The following PM20D2 variants were observed in gnomAD, a reference collection of about 807,000 sequenced individuals.
PM20D2 encodes xaa-Arg dipeptidase.
A neutral mutation model predicts 42.9 loss-of-function variants in PM20D2; 33 were observed. That is an observed-to-expected ratio of 0.77 (90% confidence interval 0.58 to 1.03). The LOEUF (loss-of-function observed/expected upper bound fraction) is 1.03, where lower values mean the gene tolerates loss of function less well. PM20D2 is among the 50% of genes least tolerant of loss of function. The pLI is 0.00. For missense variants in PM20D2, 548 were observed against 557.0 expected, an observed-to-expected ratio of 0.98 and a Z score of 0.16; for synonymous variants, 250 against 228.2, an observed-to-expected ratio of 1.10 and a Z score of -0.86.
chr6:89,138,876 T>C, the PM20D2 span, among the ~76,000 whole-genome samples: 6 of 152,078 alleles, frequency 3.9e-5, no homozygotes, highest in East Asian at 9.6e-4. Flanking sequence ...GAAAAATAAA[T>C]AAATAAATAA....
At chr6:89,161,236 A>C (rs1193473167) in intron 5 of PM20D2, among the ~76,000 whole-genome samples, 2 of 152,212 alleles carry the variant, frequency 1.3e-5, no homozygotes, top group Non-Finnish European at 2.9e-5. Flanking sequence ...AGAAGATACC[A>C]GGCTGGCAAC....
Position 89,161,777 on chromosome 6 carries a change from T to C in PM20D2, c.1049-6T>C. Reference sequence around the variant, plus strand: ...ATAGACTTTTCTTAACTTTGTGTGTTCCAAGGATCTACGGATTTTGGAAAT... The same window carrying C: ...ATAGACTTTTCTTAACTTTGTGTGTCCCAAGGATCTACGGATTTTGGAAAT... On this transcript the variant is annotated splice_region_variant and splice_polypyrimidine_tract_variant and intron_variant, in intron 5 of 6. Coordinates refer to ENST00000275072, the MANE Select transcript of PM20D2 (RefSeq NM_001010853.3). 1 of 1,590,542 alleles carries C rather than the reference T, an allele frequency of 6.3e-7. No individual in the cohort carries two copies. The highest frequency in any genetic ancestry group is 8.6e-7 in the Non-Finnish European group (1 of 1,158,472).
intron 5 of PM20D2, among the ~76,000 whole-genome samples, chr6:89,159,347 G>A (rs1771157704): frequency 6.6e-6 from 1 of 152,130 alleles, no homozygotes; most frequent in Admixed American, 6.5e-5. Context: ...GGAAGCCAAG[G>A]GAGAAGAAAA....
intron 1 of PM20D2, among the ~76,000 whole-genome samples, chr6:89,147,979 CTTTTTTTT>C (rs397888770): frequency 1.1e-5 from 1 of 95,176 alleles, no homozygotes; most frequent in Non-Finnish European, 2.0e-5. Flanking sequence ...AATGTACACT[CTTTTTTTT>C]TTTTTTTTTT....
At position 89,153,678 on chromosome 6, in the gene PM20D2, A is replaced by G. The variant is rs571458940; in HGVS notation, c.757+493A>G. On this transcript the variant is annotated intron_variant, in intron 3 of 6. Transcript: ENST00000275072. Reference sequence around the variant, plus strand: ...AGTGGTGCAATCTCGGCTCACTGCAACTTCTGCTTCCTGGGTTCAAGTGAT... The same window carrying G: ...AGTGGTGCAATCTCGGCTCACTGCAGCTTCTGCTTCCTGGGTTCAAGTGAT... Among the ~76,000 whole-genome samples, 220 of 152,250 alleles carry G rather than the reference A, an allele frequency of 1.4e-3. 1 individual carries two copies. The highest frequency in any genetic ancestry group is 5.1e-3 in the African/African-American group (213 of 41,544).
At chr6:89,099,472 A>G in the PM20D2 span, among the ~76,000 whole-genome samples, 315 of 145,226 alleles carry the variant, frequency 2.2e-3, 4 homozygotes, top group African/African-American at 7.2e-3. Flanking sequence ...ATGTGTGTGT[A>G]TATATATATG....
the PM20D2 span, among the ~76,000 whole-genome samples, chr6:89,101,732 C>A: frequency 6.6e-6 from 1 of 151,936 alleles, no homozygotes; most frequent in Non-Finnish European, 1.5e-5. Flanking sequence ...ATCTGAAAAC[C>A]TTGCCAGAGA....
chr6:89,149,146 C>T, intron 1 of PM20D2, 119 bp from the exon 2 acceptor site: 1 of 1,262,776 alleles, frequency 7.9e-7, no homozygotes, highest in Non-Finnish European at 1.1e-6. Flanking sequence ...TAGAACAAAA[C>T]CTGTCTTAAT....
chr6:89,097,027 A>T, the PM20D2 span: 1 of 152,240 alleles, frequency 6.6e-6, no homozygotes, highest in Non-Finnish European at 1.5e-5. Flanking sequence ...AGTACAATAT[A>T]CATTAATTTA....
chr6:89,117,278 T>C, the PM20D2 span, among the ~76,000 whole-genome samples: 5 of 152,094 alleles, frequency 3.3e-5, no homozygotes, highest in African/African-American at 7.2e-5. Flanking sequence ...CAGAATAAAA[T>C]TGTGTGAATA....
chr6:89,142,953 C>T (rs150915790), upstream of PM20D2, among the ~76,000 whole-genome samples: 76 of 152,336 alleles, frequency 5.0e-4, no homozygotes, highest in East Asian at 0.013. Flanking sequence ...CCACCGCGCC[C>T]GGCCCCCCAC....
chr6:89,125,625 A>T, the PM20D2 span, among the ~76,000 whole-genome samples: 1 of 151,680 alleles, frequency 6.6e-6, no homozygotes, highest in South Asian at 2.1e-4. Flanking sequence ...TACTAAAAAT[A>T]CAAAAAAATT....
At chr6:89,156,801 G>A (rs1035602503) in intron 4 of PM20D2, among the ~76,000 whole-genome samples, 2 of 152,186 alleles carry the variant, frequency 1.3e-5, no homozygotes, top group South Asian at 2.1e-4. Context: ...ATAGAAGCTC[G>A]TGTTGTGTTG....
the PM20D2 span, among the ~76,000 whole-genome samples, chr6:89,130,583 CA>C: frequency 7.9e-5 from 12 of 152,096 alleles, no homozygotes; most frequent in African/African-American, 2.9e-4. Context: ...GAGGAATCGC[CA>C]CTTTGATTTC....
rs57998485 is a variant in PM20D2 at position 89,164,922 on chromosome 6, T to TAAAAAAA, written c.*2673_*2679dup. The TAAAAAAA allele has an allele frequency of 9.3e-5, 10 of 107,722 alleles. No homozygotes were observed. The highest frequency in any genetic ancestry group is 3.4e-4 in the African/African-American group (10 of 29,656). 6.7% of individuals were successfully genotyped at this position (107,722 alleles called of 1,614,324 possible). A position where few individuals can be genotyped will look rare whatever the true frequency, so the allele number is the denominator to read the frequency against. ...TAAAATTGATGAGTTTCTGTGCCTG[T>TAAAAAAA]AAAAAAAAAAAAAAAAAAAAGAAAA... On this transcript the variant is annotated 3_prime_UTR_variant, in exon 7 of 7. Transcript: ENST00000275072.
At chr6:89,099,411 T>TAC in the PM20D2 span, among the ~76,000 whole-genome samples, 37 of 82,776 alleles carry the variant, frequency 4.5e-4, 1 homozygote, top group South Asian at 7.4e-3. Flanking sequence ...TCCATATATA[T>TAC]ATACATATAT....
chr6:89,094,408 C>T, the PM20D2 span, among the ~76,000 whole-genome samples: 3 of 151,690 alleles, frequency 2.0e-5, no homozygotes, highest in Admixed American at 1.3e-4. Flanking sequence ...TAAGTAGAAA[C>T]GGGATTTCAC....
the PM20D2 span, among the ~76,000 whole-genome samples, chr6:89,126,104 G>T: frequency 6.6e-6 from 1 of 151,260 alleles, no homozygotes; most frequent in African/African-American, 2.4e-5. Flanking sequence ...AAAAAGTAAA[G>T]TATTTCTTGG....
intron 2 of PM20D2, among the ~76,000 whole-genome samples, chr6:89,151,195 A>AT (rs535979227): frequency 8.2e-5 from 12 of 146,630 alleles, no homozygotes; most frequent in African/African-American, 1.0e-4. Flanking sequence ...TCAAGAATTC[A>AT]TTTTTTTTTA....
Sources: allele counts gnomAD v4.1 joint callset (sites outside exome capture counted in the v4.1 genomes callset), GRCh38; gene constraint gnomAD v4.1.1; transcripts MANE v1.5; gene names NCBI Gene and HGNC (gene_info 2026-07-23, HGNC 2026-07-21).